Variants in ESRP1 observed in about 807,000 individuals in gnomAD.
ESRP1 encodes epithelial splicing regulatory protein 1, also known as RNA-binding motif protein 35A.
ESRP1 carries 33 observed loss-of-function variants against 81.7 expected under a neutral mutation model. The observed-to-expected ratio is 0.40, with a 90% CI of 0.31 to 0.54. ESRP1 has a LOEUF of 0.54. Among genes scored for constraint, ESRP1 ranks in the 20% least tolerant of loss-of-function variants. The pLI is 0.41. For synonymous variants in ESRP1, 320 were observed against 303.3 expected (o/e 1.06, Z -0.57); for missense variants, 672 against 833.1 (o/e 0.81, Z 2.38).
Position 94,672,350 on chromosome 8 carries a change from C to A in ESRP1, c.1452+679C>A, listed in dbSNP as rs16916959. Among the ~76,000 whole-genome samples, 1,293 of 152,068 alleles carry A rather than the reference C, an allele frequency of 8.5e-3. 24 individuals carry two copies. The highest frequency in any genetic ancestry group is 0.029 in the African/African-American group (1,219 of 41,480). On this transcript the variant is annotated intron_variant, in intron 11 of 15. Coordinates refer to ENST00000433389, the MANE Select transcript of ESRP1 (RefSeq NM_017697.4). ...TATTAATGAATGAGTTGCTGAGAAG[C>A]CTGTATAAAAATCTAACTGAATTCT...
chr8:94,641,960 G>T lies in ESRP1; in HGVS notation c.137G>T (p.Gly46Val). The T allele has an allele frequency of 6.2e-7, 1 of 1,613,862 alleles. No homozygotes were observed. Among genetic ancestry groups the T allele is most frequent in the Non-Finnish European group, 8.5e-7 (1 of 1,179,800 alleles). The change falls in exon 2 of 16, where the codon GGA becomes GTA. Residue 46 changes from glycine (G) to valine (V), a missense_variant. Gly to Val is a moderately radical substitution (Grantham distance 109). Coordinates refer to ENST00000433389, the MANE Select transcript of ESRP1 (RefSeq NM_017697.4). ...CGTGCTTCTCTACCTTCGGAGGTGGGACAGTTGCACGAAGTGCTAGTTAGA... is the reference window on the plus strand; with the variant it reads ...CGTGCTTCTCTACCTTCGGAGGTGGTACAGTTGCACGAAGTGCTAGTTAGA... Reference protein sequence around the residue: ...KVVDLANKKVGQLHEVLVRPD... With the variant: ...KVVDLANKKVVQLHEVLVRPD...
intron 2 of ESRP1, 39 bp from the exon 3 acceptor site, chr8:94,643,264 T>A: frequency 7.4e-7 from 1 of 1,351,364 alleles, no homozygotes; most frequent in Non-Finnish European, 1.1e-6. Context: ...TTGTAAATCG[T>A]GCATCAGTTG....
intron 4 of ESRP1, among the ~76,000 whole-genome samples, chr8:94,656,516 C>T (rs1418388008): frequency 1.3e-5 from 2 of 152,196 alleles, no homozygotes; most frequent in East Asian, 1.9e-4. Context: ...CCACCACGCC[C>T]GGCCCATAAA....
In ESRP1 at chr8:94,671,625, C is replaced by T; in HGVS notation, c.1406C>T (p.Ala469Val). The T allele has an allele frequency of 6.2e-7, 1 of 1,613,886 alleles. No homozygotes were observed. Among genetic ancestry groups the T allele is most frequent in the Non-Finnish European group, 8.5e-7 (1 of 1,179,872 alleles). Residue 469 changes from alanine (A) to valine (V), a missense_variant, in exon 11 of 16, where the codon GCC (alanine) becomes GTC (valine). Transcript: ENST00000433389. ...ATCCTGGATTTCCTGGGGGAGTTCG[C>T]CACAGATATTCGTACTCATGGGGTT... is the stretch of plus-strand genomic sequence containing the variant. ...EDILDFLGEFATDIRTHGVHM... is the reference protein window; with the variant it reads ...EDILDFLGEFVTDIRTHGVHM...
rs142670853 is a variant in ESRP1, at chr8:94,668,950, A to G, written c.1233+700A>G. On this transcript the variant is annotated intron_variant, in intron 10 of 15. Coordinates refer to ENST00000433389, the MANE Select transcript of ESRP1 (RefSeq NM_017697.4). ...TGGCATTACAGCTGCCTGCCACCAC[A>G]CCCAGCTAAGTTTTGAATTTTTAAT... Among the ~76,000 whole-genome samples, 1,116 of 151,938 alleles carry G rather than the reference A, an allele frequency of 7.3e-3. 18 individuals are homozygous for G. The highest frequency in any genetic ancestry group is 0.025 in the African/African-American group (1,048 of 41,434).
Position 94,671,975 on chromosome 8 carries a change from C to T in ESRP1, c.1452+304C>T, listed in dbSNP as rs75336456. Among the ~76,000 whole-genome samples the T allele has an allele frequency of 7.2e-3, 1,102 of 152,146 alleles. 18 individuals are homozygous for T. The highest frequency in any genetic ancestry group is 0.025 in the African/African-American group (1,035 of 41,516). Reference sequence around the variant, plus strand: ...TAATGCTGTCGTTAGTATAATAATTCAAATTCAGCTTTGATTTCTTCATCA... The same window carrying T: ...TAATGCTGTCGTTAGTATAATAATTTAAATTCAGCTTTGATTTCTTCATCA... On this transcript the variant is annotated intron_variant, in intron 11 of 15. Coordinates refer to ENST00000433389, the MANE Select transcript of ESRP1 (RefSeq NM_017697.4).
intron 10 of ESRP1, among the ~76,000 whole-genome samples, chr8:94,670,034 CT>C (rs1389671035): frequency 6.6e-6 from 1 of 152,146 alleles, no homozygotes; most frequent in Non-Finnish European, 1.5e-5. Context: ...GAGAGTTTGT[CT>C]TATGAAATCA....
At chr8:94,705,903 C>CTTTT (rs55760931) in intron 15 of ESRP1, 22 bp from the exon 16 acceptor site, 81 of 1,368,942 alleles carry the variant, frequency 5.9e-5, no homozygotes, top group South Asian at 2.7e-4. Flanking sequence ...CTTTTATTCA[C>CTTTT]TTTTTTTTTT....
intron 13 of ESRP1, among the ~76,000 whole-genome samples, chr8:94,685,100 G>A (rs1809086410): frequency 6.6e-6 from 1 of 151,276 alleles, no homozygotes; most frequent in African/African-American, 2.4e-5. Context: ...TCATACTTCT[G>A]ACTACCTTTA....
At chr8:94,664,141 T>TTTTTTTTTTTTTG (rs138058879) in intron 6 of ESRP1, among the ~76,000 whole-genome samples, 3 of 124,590 alleles carry the variant, frequency 2.4e-5, no homozygotes, top group Non-Finnish European at 3.5e-5. Flanking sequence ...TTTTTTTTTT[T>TTTTTTTTTTTTTG]GAGAGGGAGT....
intron 4 of ESRP1, among the ~76,000 whole-genome samples, chr8:94,657,993 C>A (rs1818521753): frequency 6.6e-6 from 1 of 152,184 alleles, no homozygotes; most frequent in Non-Finnish European, 1.5e-5. Flanking sequence ...TTCACTGCAA[C>A]CTCTGCCTCC....
At chr8:94,660,608 C>A (rs760033661) in intron 4 of ESRP1, among the ~76,000 whole-genome samples, 1 of 145,384 alleles carries the variant, frequency 6.9e-6, no homozygotes, top group African/African-American at 2.5e-5. Context: ...TATGGTGGCG[C>A]GTGCCTGTAA....
chr8:94,644,348 A>G (rs1310346550), intron 3 of ESRP1, among the ~76,000 whole-genome samples: 1 of 152,212 alleles, frequency 6.6e-6, no homozygotes, highest in Non-Finnish European at 1.5e-5. Context: ...GCTTGCAATG[A>G]AAGATGTAGA....
chr8:94,655,402 T>A (rs530743135), intron 4 of ESRP1, among the ~76,000 whole-genome samples: 105 of 150,460 alleles, frequency 7.0e-4, no homozygotes, highest in African/African-American at 1.7e-3. Context: ...TTTTTTTTTT[T>A]AATTTTATTT....
In ESRP1 at chr8:94,706,004, C is replaced by G; in HGVS notation, c.*115C>G. The G allele has an allele frequency of 6.8e-7, 1 of 1,462,142 alleles. No homozygotes were observed. Among genetic ancestry groups the G allele is most frequent in the Non-Finnish European group, 9.2e-7 (1 of 1,087,152 alleles). The allele number at this position is 1,462,142 out of a possible 1,614,324, so 90.6% of individuals were successfully genotyped here. On this transcript the variant is annotated 3_prime_UTR_variant, in exon 16 of 16. Coordinates refer to ENST00000433389, the MANE Select transcript of ESRP1 (RefSeq NM_017697.4). Reference sequence around the variant, plus strand: ...CAAATTCAGGGGAAGTTTGTCTACACTCAGGCTGCAGTATTTTCAGCAAAC... The same window carrying G: ...CAAATTCAGGGGAAGTTTGTCTACAGTCAGGCTGCAGTATTTTCAGCAAAC...
At chr8:94,663,786 G>T (rs1403856373) in intron 6 of ESRP1, among the ~76,000 whole-genome samples, 1 of 152,144 alleles carries the variant, frequency 6.6e-6, no homozygotes, top group Non-Finnish European at 1.5e-5. Context: ...ATGTGAACGT[G>T]GGAGGGATAA....
chr8:94,641,179 G>A lies in ESRP1; in HGVS notation c.-140G>A. 1.2e-6 allele frequency: 1 copy of A among 815,346 alleles called. No individual in the cohort carries two copies. The highest frequency in any genetic ancestry group is 1.9e-6 in the Non-Finnish European group (1 of 533,436). 50.5% of individuals were successfully genotyped at this position (815,346 alleles called of 1,614,324 possible). ...CTTGGGTGGTTGGTTACCGCCTTTT[G>A]CACTAGCAGTAGCAAGGAAGGGGGG... On this transcript the variant is annotated 5_prime_UTR_variant, in exon 1 of 16. Transcript: ENST00000433389.
intron 11 of ESRP1, among the ~76,000 whole-genome samples, chr8:94,672,109 G>C (rs1342713902): frequency 6.6e-6 from 1 of 152,124 alleles, no homozygotes. Context: ...CTGCTGTAGT[G>C]TTACAGCAAT....
chr8:94,681,666 T>C (rs928211976), intron 13 of ESRP1, among the ~76,000 whole-genome samples: 1 of 149,760 alleles, frequency 6.7e-6, no homozygotes, highest in African/African-American at 2.5e-5. Flanking sequence ...TGGCTGGGTG[T>C]GGTGGCTCAC....
Sources: gnomAD v4.1 joint callset for allele counts (sites outside exome capture counted in the v4.1 genomes callset) on GRCh38, gnomAD v4.1.1 for gene constraint, MANE v1.5 for transcripts, NCBI Gene and HGNC (gene_info 2026-07-23, HGNC 2026-07-21) for gene names.